Variants in TBC1D22A observed in about 807,000 individuals in gnomAD.
TBC1D22A encodes the protein TBC1 domain family member 22A.
Under a neutral mutation model 60.2 loss-of-function variants are expected in TBC1D22A, and 38 were observed. That is an observed-to-expected ratio of 0.63 (90% confidence interval 0.49 to 0.83). The LOEUF (loss-of-function observed/expected upper bound fraction) is 0.83, where lower values mean the gene tolerates loss of function less well. TBC1D22A is among the 40% of genes least tolerant of loss of function. The probability of loss-of-function intolerance (pLI) is 0.00; values close to 1 mark genes in which losing one functional copy is unlikely to be tolerated. For synonymous variants in TBC1D22A, 302 were observed against 281.7 expected (o/e 1.07, Z -0.72); for missense variants, 628 against 701.0 (o/e 0.90, Z 1.18).
At chr22:46,971,896 C>A (rs1488187135) in intron 8 of TBC1D22A, among the ~76,000 whole-genome samples, 1 of 152,218 alleles carries the variant, frequency 6.6e-6, no homozygotes, top group East Asian at 1.9e-4. Context: ...AGACCAGACA[C>A]CTTGCCACTT....
rs77964754 is a variant in TBC1D22A at position 46,861,104 on chromosome 22, C to T, written c.638-17549C>T. ...TCCCGAGTAGCTGGGACTATGTGTG[C>T]ACCACTATGCCTGGGGTTAATTTTT... is the stretch of plus-strand genomic sequence containing the variant. On this transcript the variant is annotated intron_variant, in intron 4 of 12. Coordinates refer to ENST00000337137, the MANE Select transcript of TBC1D22A (RefSeq NM_014346.5). Among the ~76,000 whole-genome samples, 540 of 152,206 alleles carry T rather than the reference C, an allele frequency of 3.5e-3. 5 individuals carry two copies. The highest frequency in any genetic ancestry group is 0.012 in the African/African-American group (516 of 41,522).
Position 47,175,681 on chromosome 22 carries a change from G to C in TBC1D22A, c.*2055G>C, listed in dbSNP as rs963049291. ...TGGTGCGCTAAAAACACGGAATAAAGATCAGTGACAAAGCCGCGGCCTTGG... is the reference window on the plus strand; with the variant it reads ...TGGTGCGCTAAAAACACGGAATAAACATCAGTGACAAAGCCGCGGCCTTGG... On this transcript the variant is annotated 3_prime_UTR_variant, in exon 13 of 13. Transcript: ENST00000337137. 3.2e-4 allele frequency: 49 copies of C among 152,352 alleles called. 1 individual carries two copies. Among genetic ancestry groups the C allele is most frequent in the African/African-American group, 9.9e-4 (41 of 41,458 alleles). The allele number at this position is 152,352 out of a possible 1,614,324, so 9.4% of individuals were successfully genotyped here.
At chr22:47,101,321 A>C (rs2147671787) in intron 11 of TBC1D22A, among the ~76,000 whole-genome samples, 1 of 152,264 alleles carries the variant, frequency 6.6e-6, no homozygotes, top group Admixed American at 6.5e-5. Flanking sequence ...TGCCCCCCAA[A>C]CCAGAGAAGA....
At chr22:47,029,156 T>C (rs1407410020) in intron 10 of TBC1D22A, among the ~76,000 whole-genome samples, 1 of 106,166 alleles carries the variant, frequency 9.4e-6, no homozygotes, top group Non-Finnish European at 1.8e-5. Flanking sequence ...TCTGCAAGAG[T>C]CCCGGGGATG....
intron 8 of TBC1D22A, among the ~76,000 whole-genome samples, chr22:46,951,557 G>C (rs1472901471): frequency 6.6e-6 from 1 of 152,212 alleles, no homozygotes; most frequent in Non-Finnish European, 1.5e-5. Flanking sequence ...ACGCCAGTTA[G>C]GGGCTGTCAC....
chr22:47,061,579 G>A (rs564510880), intron 11 of TBC1D22A, among the ~76,000 whole-genome samples: 1 of 152,196 alleles, frequency 6.6e-6, no homozygotes, highest in South Asian at 2.1e-4. Context: ...AAACATATTT[G>A]CAGCGTTTTG....
At chr22:46,807,256 TGTGATG>T in intron 4 of TBC1D22A, among the ~76,000 whole-genome samples, 1 of 151,518 alleles carries the variant, frequency 6.6e-6, no homozygotes, top group South Asian at 2.1e-4. Flanking sequence ...TAGTGTTGAT[TGTGATG>T]GTGATGGTGA....
At chr22:46,978,313 A>C (rs1341111412) in intron 9 of TBC1D22A, among the ~76,000 whole-genome samples, 1 of 152,240 alleles carries the variant, frequency 6.6e-6, no homozygotes, top group Non-Finnish European at 1.5e-5. Context: ...TGGAAATTCA[A>C]ATAGAGAAAA....
intron 11 of TBC1D22A, among the ~76,000 whole-genome samples, chr22:47,045,373 C>T (rs2062999616): frequency 6.6e-6 from 1 of 152,192 alleles, no homozygotes; most frequent in Non-Finnish European, 1.5e-5. Flanking sequence ...GGCCTCCTCA[C>T]TCTGCAGACG....
chr22:47,170,821 G>A (rs4823610), intron 12 of TBC1D22A, among the ~76,000 whole-genome samples: 395 of 15,322 alleles, frequency 0.026, 100 homozygotes, highest in African/African-American at 0.053. Flanking sequence ...CGGAGAGAGG[G>A]CAGTCCTGGT....
At chr22:47,063,269 G>A (rs1006129699) in intron 11 of TBC1D22A, among the ~76,000 whole-genome samples, 2 of 152,178 alleles carry the variant, frequency 1.3e-5, no homozygotes, top group Non-Finnish European at 2.9e-5. Context: ...CGCAGCCAAG[G>A]CTGTGCGTGA....
intron 4 of TBC1D22A, among the ~76,000 whole-genome samples, chr22:46,803,259 C>T (rs1463100449): frequency 6.6e-6 from 1 of 152,206 alleles, no homozygotes; most frequent in Non-Finnish European, 1.5e-5. Flanking sequence ...AAACAGGCGG[C>T]TGCCCTCCAG....
chr22:47,057,641 C>T (rs5769336), intron 11 of TBC1D22A, among the ~76,000 whole-genome samples: 36,962 of 152,102 alleles, frequency 0.24, 5,366 homozygotes, highest in East Asian at 0.58. Flanking sequence ...AAAAGCGCGT[C>T]TTACATAGCG....
intron 11 of TBC1D22A, among the ~76,000 whole-genome samples, chr22:47,050,885 G>A (rs774337096): frequency 2.0e-5 from 3 of 152,094 alleles, no homozygotes; most frequent in African/African-American, 4.8e-5. Context: ...GACCCTGGGT[G>A]GCAGCTTCTG....
At chr22:46,937,325 T>G (rs2071713340) in intron 8 of TBC1D22A, among the ~76,000 whole-genome samples, 1 of 152,152 alleles carries the variant, frequency 6.6e-6, no homozygotes, top group Non-Finnish European at 1.5e-5. Context: ...GACGTTTCTG[T>G]CAACACTGGA....
intron 4 of TBC1D22A, among the ~76,000 whole-genome samples, chr22:46,819,429 G>A (rs569157577): frequency 6.6e-6 from 1 of 152,272 alleles, no homozygotes; most frequent in South Asian, 2.1e-4. Context: ...TTTATTGAGA[G>A]TTTTTAACAT....
chr22:47,008,669 AG>A (rs2061659275), intron 10 of TBC1D22A, among the ~76,000 whole-genome samples: 2 of 152,366 alleles, frequency 1.3e-5, no homozygotes, highest in South Asian at 4.1e-4. Flanking sequence ...TCTGGAAGGC[AG>A]CCTGTCCCTG....
intron 8 of TBC1D22A, among the ~76,000 whole-genome samples, chr22:46,958,234 G>A (rs940965058): frequency 6.6e-6 from 1 of 152,204 alleles, no homozygotes; most frequent in Admixed American, 6.5e-5. Context: ...AACCAGGGAG[G>A]TTTATTGATC....
chr22:46,909,882 G>A (rs1037671292), intron 7 of TBC1D22A, among the ~76,000 whole-genome samples: 4 of 152,310 alleles, frequency 2.6e-5, no homozygotes, highest in African/African-American at 7.2e-5. Flanking sequence ...GGGGCTGCGC[G>A]TTGGTGACTC....
Sources: gnomAD v4.1 joint callset for allele counts (sites outside exome capture counted in the v4.1 genomes callset) on GRCh38, gnomAD v4.1.1 for gene constraint, MANE v1.5 for transcripts, NCBI Gene and HGNC (gene_info 2026-07-23, HGNC 2026-07-21) for gene names.